The following PDHX variants were observed in gnomAD, a reference collection of about 807,000 sequenced individuals.
The protein encoded by PDHX is pyruvate dehydrogenase protein X component, mitochondrial.
PDHX carries 33 observed loss-of-function variants against 55.3 expected under a neutral mutation model. That is an observed-to-expected ratio of 0.60 (90% CI 0.45 to 0.80). The LOEUF (loss-of-function observed/expected upper bound fraction) is 0.80, where lower values mean the gene tolerates loss of function less well. Among genes scored for constraint, PDHX ranks in the 30% least tolerant of loss-of-function variants. PDHX has a pLI of 0.00. For missense variants in PDHX, 622 were observed against 619.9 expected (o/e 1.00, Z -0.04); for synonymous variants, 226 against 219.4 (o/e 1.03, Z -0.27).
At chr11:34,966,604 G>C (rs766801882) in intron 5 of PDHX, 36 bp from the exon 6 acceptor site, 21 of 1,601,066 alleles carry the variant, frequency 1.3e-5, no homozygotes, top group Non-Finnish European at 1.8e-5. Context: ...ATTCCTTATT[G>C]CTAATTATGG....
chr11:34,949,512 T>C (rs2915181), intron 3 of PDHX, among the ~76,000 whole-genome samples: 109,550 of 152,110 alleles, frequency 0.72, 39,549 homozygotes, highest in Middle Eastern at 0.78. Context: ...GCTAGGATTA[T>C]AGGCGTGAAC....
At chr11:34,990,144 T>A (rs1178791085) in intron 9 of PDHX, among the ~76,000 whole-genome samples, 2 of 152,218 alleles carry the variant, frequency 1.3e-5, no homozygotes, top group Non-Finnish European at 2.9e-5. Flanking sequence ...CCTTGGATCC[T>A]GTGTTATTCT....
At chr11:34,968,158 C>T (rs1192809320) in intron 6 of PDHX, among the ~76,000 whole-genome samples, 1 of 151,212 alleles carries the variant, frequency 6.6e-6, no homozygotes, top group African/African-American at 2.4e-5. Flanking sequence ...TGTAGTCCAA[C>T]TACTCAGGCG....
At chr11:34,916,961 G>C (rs1332648502) in intron 1 of PDHX, 146 bp downstream of exon 1, 2 of 850,920 alleles carry the variant, frequency 2.4e-6, no homozygotes, top group Admixed American at 4.0e-5. Flanking sequence ...GGGGTCCGCC[G>C]ACTTGGCCTA....
In PDHX at chr11:34,957,592, ATATT is replaced by A; in HGVS notation, c.542+14_542+17del. On this transcript the variant is annotated intron_variant, in intron 4 of 10. Coordinates refer to ENST00000227868, the MANE Select transcript of PDHX (RefSeq NM_003477.3). ...ATACCCGGGACACTACGGTGAGTATATATTTATTCAAAGGATGATGTAAAAAAAA... is the reference window on the plus strand; with the variant it reads ...ATACCCGGGACACTACGGTGAGTATATATTCAAAGGATGATGTAAAAAAAA... The A allele has an allele frequency of 2.5e-6, 4 of 1,601,820 alleles. No homozygotes were observed. The highest frequency in any genetic ancestry group is 3.4e-6 in the Non-Finnish European group (4 of 1,168,912).
chr11:34,916,941 T>C, intron 1 of PDHX, 126 bp downstream of exon 1: 1 of 979,074 alleles, frequency 1.0e-6, no homozygotes, highest in South Asian at 1.4e-5. Flanking sequence ...CCTTTCCTCT[T>C]TCTCCGGTTG....
intron 2 of PDHX, among the ~76,000 whole-genome samples, chr11:34,933,983 G>GA (rs1388997192): frequency 6.6e-6 from 1 of 152,084 alleles, no homozygotes; most frequent in Non-Finnish European, 1.5e-5. Context: ...AACTCATTTT[G>GA]AAAACGTAAT....
intron 5 of PDHX, among the ~76,000 whole-genome samples, chr11:34,962,803 G>A (rs1026471158): frequency 6.6e-6 from 1 of 152,088 alleles, no homozygotes; most frequent in Non-Finnish European, 1.5e-5. Context: ...TTCCATGTGT[G>A]CTTAATACAT....
intron 6 of PDHX, among the ~76,000 whole-genome samples, chr11:34,969,848 GTTTC>G (rs575326329): frequency 7.2e-4 from 109 of 151,980 alleles, no homozygotes; most frequent in African/African-American, 2.6e-3. Flanking sequence ...TATTTGGTAG[GTTTC>G]TTTCTTATCA....
Position 34,960,423 on chromosome 11 carries a change from C to A in PDHX, c.546C>A (p.Phe182Leu). 1 of 1,609,794 alleles carries A rather than the reference C, an allele frequency of 6.2e-7. No homozygotes were observed. The highest frequency in any genetic ancestry group is 1.1e-5 in the South Asian group (1 of 90,954). The change falls in exon 5 of 11, where the codon TTC (phenylalanine) becomes TTA (leucine). Residue 182 changes from phenylalanine (F) to leucine (L), a missense_variant. Physicochemically the swap from Phe to Leu is conservative, Grantham distance 22. Coordinates refer to ENST00000227868, the MANE Select transcript of PDHX (RefSeq NM_003477.3). ...AACCTTCATATTTTTTTCTTAGGTT[C>A]CGTTTAAGTCCAGCTGCCCGCAATA... Reference protein sequence around the residue: ...KKEHIPGTLRFRLSPAARNIL... With the variant: ...KKEHIPGTLRLRLSPAARNIL...
Position 34,957,426 on chromosome 11 carries a change from G to C in PDHX, c.385G>C (p.Gly129Arg), listed in dbSNP as rs1433363231. 1 of 1,612,656 alleles carries C rather than the reference G, an allele frequency of 6.2e-7. No individual in the cohort carries two copies. The highest frequency in any genetic ancestry group is 8.5e-7 in the Non-Finnish European group (1 of 1,178,868). ...SKNIRLGSLI[G>R]LIVEEGEDWK... ...AAATATACGGCTAGGTTCACTAATT[G>C]GTTTGATAGTAGAAGAAGGAGAAGA... Residue 129 changes from glycine (G) to arginine (R), a missense_variant, in exon 4 of 11, where the codon GGT (glycine) becomes CGT (arginine). Transcript: ENST00000227868.
chr11:34,944,976 G>T (rs1854587528), intron 2 of PDHX, among the ~76,000 whole-genome samples: 1 of 151,692 alleles, frequency 6.6e-6, no homozygotes, highest in African/African-American at 2.4e-5. Context: ...CTTTCCATGT[G>T]CCTGCCCTCA....
At chr11:34,921,935 A>C (rs1287818022) in intron 1 of PDHX, among the ~76,000 whole-genome samples, 2 of 152,226 alleles carry the variant, frequency 1.3e-5, no homozygotes. Flanking sequence ...AAGGTTTGCC[A>C]GGTTTCACGG....
intron 2 of PDHX, among the ~76,000 whole-genome samples, chr11:34,946,326 T>C (rs914876055): frequency 5.3e-5 from 8 of 152,196 alleles, no homozygotes; most frequent in African/African-American, 1.9e-4. Flanking sequence ...TCTTTTACTT[T>C]CATTTATGTT....
At chr11:34,968,735 TATAAGTGTGA>T (rs1565164240) in intron 6 of PDHX, among the ~76,000 whole-genome samples, 2 of 152,232 alleles carry the variant, frequency 1.3e-5, no homozygotes, top group South Asian at 2.1e-4. Flanking sequence ...ATGAGTTGTT[TATAAGTGTGA>T]ATTTAATTTC....
chr11:34,944,262 G>A (rs1854569145), intron 2 of PDHX, among the ~76,000 whole-genome samples: 1 of 151,976 alleles, frequency 6.6e-6, no homozygotes, highest in Admixed American at 6.6e-5. Context: ...TGGGACCACA[G>A]GTGCCTGCCA....
chr11:34,951,326 T>TG (rs201853041), intron 3 of PDHX, among the ~76,000 whole-genome samples: 7,126 of 152,130 alleles, frequency 0.047, 522 homozygotes, highest in African/African-American at 0.16. Flanking sequence ...CCCAAAGTGC[T>TG]GGGATTACAA....
At chr11:34,992,268 T>A in intron 9 of PDHX, 47 bp from the exon 10 acceptor site, 1 of 1,042,294 alleles carries the variant, frequency 9.6e-7, no homozygotes. Context: ...CAAGATCAAC[T>A]GTATAACATT....
At chr11:34,966,558 C>T (rs931203880) in intron 5 of PDHX, 82 bp from the exon 6 acceptor site, 2 of 1,264,558 alleles carry the variant, frequency 1.6e-6, no homozygotes, top group African/African-American at 2.9e-5. Flanking sequence ...TATCTTTTCT[C>T]CACATCTCAC....
Sources: allele counts gnomAD v4.1 joint callset (sites outside exome capture counted in the v4.1 genomes callset), GRCh38; gene constraint gnomAD v4.1.1; transcripts MANE v1.5; gene names NCBI Gene and HGNC (gene_info 2026-07-23, HGNC 2026-07-21).